Variants in NDUFA9 observed in about 807,000 individuals in gnomAD.
NDUFA9 encodes NADH dehydrogenase [ubiquinone] 1 alpha subcomplex subunit 9, mitochondrial.
Under a neutral mutation model 45.9 loss-of-function variants are expected in NDUFA9, and 23 were observed. That is an observed-to-expected ratio of 0.50 (90% CI 0.36 to 0.71). The LOEUF (loss-of-function observed/expected upper bound fraction) is 0.71, where lower values mean the gene tolerates loss of function less well. Among genes scored for constraint, NDUFA9 ranks in the 30% least tolerant of loss-of-function variants. NDUFA9 has a pLI of 0.00. For synonymous variants in NDUFA9, 176 were observed against 170.5 expected (o/e 1.03, Z -0.25); for missense variants, 466 against 488.2 (o/e 0.95, Z 0.43).
chr12:4,666,065 A>G (rs545594043), intron 6 of NDUFA9, among the ~76,000 whole-genome samples: 66 of 152,282 alleles, frequency 4.3e-4, no homozygotes, highest in African/African-American at 1.6e-3. Flanking sequence ...CCAGCCTCCC[A>G]AAGTTCTAGG....
intron 10 of NDUFA9, among the ~76,000 whole-genome samples, chr12:4,686,054 G>T (rs1945984496): frequency 6.6e-6 from 1 of 152,202 alleles, no homozygotes; most frequent in Non-Finnish European, 1.5e-5. Flanking sequence ...TTCAGACATG[G>T]TCTATGAAAG....
intron 7 of NDUFA9, chr12:4,668,731 A>C (rs190456578): frequency 3.5e-6 from 2 of 575,480 alleles, no homozygotes; most frequent in East Asian, 3.0e-5. Context: ...TGAACTCATA[A>C]TGTGCTAGAC....
At chr12:4,664,024 G>T (rs897712102) in intron 6 of NDUFA9, among the ~76,000 whole-genome samples, 35 of 152,176 alleles carry the variant, frequency 2.3e-4, no homozygotes, top group African/African-American at 8.2e-4. Context: ...TTATTCAGCT[G>T]AGAAGATTTC....
At chr12:4,684,830 G>GC (rs1278770483) in intron 9 of NDUFA9, 1 of 357,614 alleles carries the variant, frequency 2.8e-6, no homozygotes, top group Non-Finnish European at 5.0e-6. Context: ...TTCCTCAAGG[G>GC]CCCCAGCTTT....
Position 4,654,863 on chromosome 12 carries a change from G to A in NDUFA9, c.259G>A (p.Asp87Asn), listed in dbSNP as rs781112591. ...ACAGGTAATCATACCCTATCGGTGTGATAAATATGACATCATGCACCTTCG... is the reference window on the plus strand; with the variant it reads ...ACAGGTAATCATACCCTATCGGTGTAATAAATATGACATCATGCACCTTCG... ...GSQVIIPYRC[D>N]KYDIMHLRPM... is the part of the protein sequence containing the mutation. Residue 87 changes from aspartate to asparagine, a missense_variant, in exon 3 of 11, where the codon GAT becomes AAT. Coordinates refer to ENST00000266544, the MANE Select transcript of NDUFA9 (RefSeq NM_005002.5). 1 of 1,613,836 alleles carries A rather than the reference G, an allele frequency of 6.2e-7. No homozygotes were observed. The highest frequency in any genetic ancestry group is 8.5e-7 in the Non-Finnish European group (1 of 1,179,956).
chr12:4,681,544 A>G (rs1408182324), intron 8 of NDUFA9, among the ~76,000 whole-genome samples: 1 of 149,226 alleles, frequency 6.7e-6, no homozygotes, highest in African/African-American at 2.4e-5. Context: ...ATGACAACTC[A>G]TTTCGGGTGG....
rs569873245 is a variant in NDUFA9, at chr12:4,662,796, C to T, written c.655+161C>T. 2.6e-5 allele frequency among the ~76,000 whole-genome samples: 4 copies of T among 152,196 alleles called. No individual in the cohort carries two copies. In the South Asian group the frequency reaches 8.3e-4, roughly 32 times the overall value. On this transcript the variant is annotated intron_variant, in intron 6 of 10. Coordinates refer to ENST00000266544, the MANE Select transcript of NDUFA9 (RefSeq NM_005002.5). ...TTTATATTTTCATAGTCAATGTAGT[C>T]TTTGTTATATTCCATATCAAAAGAA...
At chr12:4,663,000 C>T (rs562813299) in intron 6 of NDUFA9, among the ~76,000 whole-genome samples, 1 of 152,306 alleles carries the variant, frequency 6.6e-6, no homozygotes, top group South Asian at 2.1e-4. Flanking sequence ...CCCCTAACCC[C>T]AGACAACCAC....
intron 9 of NDUFA9, 127 bp downstream of exon 9, chr12:4,682,427 T>G: frequency 1.9e-6 from 1 of 518,500 alleles, no homozygotes. Flanking sequence ...TGTTATGACA[T>G]TAGCATAGAG....
At chr12:4,667,129 G>C (rs1028003975) in intron 6 of NDUFA9, among the ~76,000 whole-genome samples, 26 of 152,202 alleles carry the variant, frequency 1.7e-4, no homozygotes, top group African/African-American at 5.5e-4. Flanking sequence ...CATGGTGGAA[G>C]GTGGAAGGGT....
chr12:4,666,184 A>G (rs1945852296), intron 6 of NDUFA9, among the ~76,000 whole-genome samples: 2 of 152,244 alleles, frequency 1.3e-5, no homozygotes, highest in South Asian at 2.1e-4. Flanking sequence ...CTACTTTATT[A>G]TTTGGAGAAA....
chr12:4,659,004 C>T, intron 4 of NDUFA9, 32 bp from the exon 5 acceptor site: 2 of 1,600,120 alleles, frequency 1.2e-6, no homozygotes, highest in Non-Finnish European at 1.7e-6. Flanking sequence ...GTGTGGAGTT[C>T]TTAACCAATC....
chr12:4,660,177 A>G (rs140648002), intron 5 of NDUFA9, among the ~76,000 whole-genome samples: 33 of 152,338 alleles, frequency 2.2e-4, no homozygotes, highest in African/African-American at 7.9e-4. Context: ...AGTGAGTCTT[A>G]GCCTTAGTTG....
At chr12:4,685,732 G>A (rs1449723196) in intron 10 of NDUFA9, among the ~76,000 whole-genome samples, 1 of 151,666 alleles carries the variant, frequency 6.6e-6, no homozygotes, top group East Asian at 1.9e-4. Flanking sequence ...CTCCAGTCAG[G>A]CTTTTATTCC....
rs1471490821 is a variant in NDUFA9 at position 4,691,564 on chromosome 12, T to C, written c.*4456T>C. On this transcript the variant is annotated 3_prime_UTR_variant, in exon 11 of 11. Coordinates refer to ENST00000266544, the MANE Select transcript of NDUFA9 (RefSeq NM_005002.5). ...GTCTTGGAGTGAATGGGAGGTATAG[T>C]GGAATGGAGGGCGTATTTGAAGAAA... is the stretch of plus-strand genomic sequence containing the variant. 1.3e-5 allele frequency: 2 copies of C among 152,110 alleles called. No individual in the cohort carries two copies. The highest frequency in any genetic ancestry group is 2.9e-5 in the Non-Finnish European group (2 of 68,044). 9.4% of individuals were successfully genotyped at this position (152,110 alleles called of 1,614,324 possible). A position where few individuals can be genotyped will look rare whatever the true frequency, so the allele number is the denominator to read the frequency against.
At position 4,655,106 on chromosome 12, in the gene NDUFA9, C is replaced by A. The variant is rs979429668; in HGVS notation, c.318+184C>A. 9.2e-6 allele frequency: 5 copies of A among 543,480 alleles called. No homozygotes were observed. The African/African-American group carries it at 9.6e-5, about 10-fold the overall frequency. 33.7% of individuals were successfully genotyped at this position (543,480 alleles called of 1,614,324 possible). A position where few individuals can be genotyped will look rare whatever the true frequency, so the allele number is the denominator to read the frequency against. On this transcript the variant is annotated intron_variant, in intron 3 of 10. Coordinates refer to ENST00000266544, the MANE Select transcript of NDUFA9 (RefSeq NM_005002.5). ...CTTTGTCATGCAAGCTCTAGATTGGCAGTTGGCAAACTTTTTCTTTGAAGG... is the reference window on the plus strand; with the variant it reads ...CTTTGTCATGCAAGCTCTAGATTGGAAGTTGGCAAACTTTTTCTTTGAAGG...
chr12:4,655,622 A>G (rs1273335937), intron 3 of NDUFA9: 2 of 152,200 alleles, frequency 1.3e-5, no homozygotes, highest in African/African-American at 4.8e-5. Context: ...ATAGTGCTCT[A>G]TAAACATAAA....
At chr12:4,669,656 C>T in intron 7 of NDUFA9, 85 bp from the exon 8 acceptor site, 3 of 860,238 alleles carry the variant, frequency 3.5e-6, no homozygotes, top group Admixed American at 2.2e-5. Flanking sequence ...TCCTTTTTCT[C>T]TTCTTTCCTT....
In NDUFA9 at chr12:4,686,944, A is replaced by G; in HGVS notation, c.970A>G (p.Ile324Val). 1 of 1,614,058 alleles carries G rather than the reference A, an allele frequency of 6.2e-7. No individual in the cohort carries two copies. Among genetic ancestry groups the G allele is most frequent in the Non-Finnish European group, 8.5e-7 (1 of 1,179,978 alleles). ...GTCCTTTGTTTATCCAAAGATGCAC[A>G]TCACAGACATGAAATTGCCTCACCT... ...ITRDKVERMHITDMKLPHLPG... is the reference protein window; with the variant it reads ...ITRDKVERMHVTDMKLPHLPG... Residue 324 changes from isoleucine (I) to valine (V), a missense_variant, in exon 11 of 11, where the codon ATC becomes GTC. Physicochemically the swap from Ile to Val is conservative, Grantham distance 29. Coordinates refer to ENST00000266544, the MANE Select transcript of NDUFA9 (RefSeq NM_005002.5).
Sources: allele counts gnomAD v4.1 joint callset (sites outside exome capture counted in the v4.1 genomes callset), GRCh38; gene constraint gnomAD v4.1.1; transcripts MANE v1.5; gene names NCBI Gene and HGNC (gene_info 2026-07-23, HGNC 2026-07-21).